CCDC186: variants seen among roughly 807,000 people sequenced by gnomAD.
CCDC186 encodes coiled-coil domain-containing protein 186.
A neutral mutation model predicts 113.7 loss-of-function variants in CCDC186; 49 were observed. That is an observed-to-expected ratio of 0.43 (90% CI 0.34 to 0.55). CCDC186 has a LOEUF of 0.55. Among genes scored for constraint, CCDC186 ranks in the 20% least tolerant of loss-of-function variants. The pLI is 0.02. For synonymous variants in CCDC186, 355 were observed against 345.8 expected, an observed-to-expected ratio of 1.03 and a Z score of -0.30; for missense variants, 890 against 1,011.1, an observed-to-expected ratio of 0.88 and a Z score of 1.62.
chr10:114,132,662 C>G (rs901760359), intron 10 of CCDC186, among the ~76,000 whole-genome samples: 2 of 152,142 alleles, frequency 1.3e-5, no homozygotes, highest in Non-Finnish European at 2.9e-5. Flanking sequence ...ACTTCACTTA[C>G]TAAAAGAGGT....
chr10:114,129,840 T>C (rs1564905057), intron 13 of CCDC186, 51 bp downstream of exon 13: 1 of 1,562,362 alleles, frequency 6.4e-7, no homozygotes. Context: ...AAAAATGCTA[T>C]TTATTTTTAT....
At position 114,137,166 on chromosome 10, in the gene CCDC186, A is replaced by G. The variant is rs1476501802; in HGVS notation, c.1326+20T>C. The stretch of plus-strand genomic sequence containing the variant: ...ATTTGCTAAAATTTGATACTAATCT[A>G]TTTTAAAAGTTATGCATACCTGATA... On this transcript the variant is annotated intron_variant, in intron 7 of 15. Coordinates refer to ENST00000369287, the MANE Select transcript of CCDC186 (RefSeq NM_018017.4). 6.5e-7 allele frequency: 1 copy of G among 1,548,306 alleles called. No individual in the cohort carries two copies. The highest frequency in any genetic ancestry group is 1.1e-5 in the South Asian group (1 of 89,112).
At position 114,165,762 on chromosome 10, in the gene CCDC186, C is replaced by T. The variant is rs922567225; in HGVS notation, c.-61-2433G>A. On this transcript the variant is annotated intron_variant, in intron 1 of 15. Transcript: ENST00000369287. ...ACTCGGGAGGCTGAGACAGGAGAAT[C>T]GCTTGAACCCAGGAGGCGGAGGTTG... is the stretch of plus-strand genomic sequence containing the variant. The T allele has an allele frequency of 4.7e-5, 17 of 364,026 alleles. No homozygotes were observed. In the East Asian group the frequency reaches 5.0e-4, roughly 11 times the overall value. 22.5% of individuals were successfully genotyped at this position (364,026 alleles called of 1,614,324 possible). A position where few individuals can be genotyped will look rare whatever the true frequency, so the allele number is the denominator to read the frequency against.
At position 114,164,420 on chromosome 10, in the gene CCDC186, G is replaced by T. The variant is rs79726898; in HGVS notation, c.-61-1091C>A. ...TTACAGGGGTGAGCCACCGCACCCGGCATAGGATAGATTTTTATATTGTTT... is the reference window on the plus strand; with the variant it reads ...TTACAGGGGTGAGCCACCGCACCCGTCATAGGATAGATTTTTATATTGTTT... On this transcript the variant is annotated intron_variant, in intron 1 of 15. Transcript: ENST00000369287. Among the ~76,000 whole-genome samples the T allele has an allele frequency of 2.0e-3, 307 of 152,088 alleles. 9 individuals are homozygous for T. In the East Asian group the frequency reaches 0.052, roughly 26 times the overall value.
intron 1 of CCDC186, among the ~76,000 whole-genome samples, chr10:114,164,661 G>A (rs1035335964): frequency 4.6e-5 from 7 of 152,146 alleles, no homozygotes; most frequent in Non-Finnish European, 8.8e-5. Flanking sequence ...AGAAATAACA[G>A]AGCAATAATT....
At position 114,123,621 on chromosome 10, in the gene CCDC186, T is replaced by G. The variant is rs1367414410; in HGVS notation, c.*1522A>C. On this transcript the variant is annotated 3_prime_UTR_variant, in exon 16 of 16. Coordinates refer to ENST00000369287, the MANE Select transcript of CCDC186 (RefSeq NM_018017.4). ...TATCTGCATAAGAGCCACGGTATCT[T>G]ATTATAGTAATGATCTGAAGATAAT... 2.0e-5 allele frequency: 3 copies of G among 152,170 alleles called. No individual in the cohort carries two copies. The highest frequency in any genetic ancestry group is 7.2e-5 in the African/African-American group (3 of 41,436). The allele number at this position is 152,170 out of a possible 1,614,324, so 9.4% of individuals were successfully genotyped here.
intron 13 of CCDC186, among the ~76,000 whole-genome samples, chr10:114,128,063 T>G (rs1244940609): frequency 6.6e-6 from 1 of 152,182 alleles, no homozygotes; most frequent in Non-Finnish European, 1.5e-5. Context: ...CTGTCTAGGT[T>G]CAAATACTAC....
At chr10:114,159,480 TA>T (rs2032101935) in intron 2 of CCDC186, among the ~76,000 whole-genome samples, 1 of 151,262 alleles carries the variant, frequency 6.6e-6, no homozygotes, top group Admixed American at 6.6e-5. Flanking sequence ...CCGTCTCTAC[TA>T]AAAATACAAA....
intron 7 of CCDC186, 136 bp downstream of exon 7, chr10:114,137,050 G>A: frequency 3.4e-6 from 2 of 585,736 alleles, no homozygotes; most frequent in Non-Finnish European, 5.9e-6. Context: ...CCGGGAGGCA[G>A]AGGTTGCAGT....
At position 114,145,759 on chromosome 10, in the gene CCDC186, G is replaced by A; in HGVS notation, c.891C>T (p.Ala297=). The A allele has an allele frequency of 1.3e-6, 2 of 1,570,106 alleles. No homozygotes were observed. Among genetic ancestry groups the A allele is most frequent in the Non-Finnish European group, 1.7e-6 (2 of 1,167,424 alleles). Reference sequence around the variant, plus strand: ...GGCGTGCCTCTTCACATTTCTTGTTGGCCTTCAAAAAAAATATTACTTAGC... The same window carrying A: ...GGCGTGCCTCTTCACATTTCTTGTTAGCCTTCAAAAAAAATATTACTTAGC... ...HKEMAQRMEQ[A]NKKCEEARQE... is the part of the protein sequence containing the mutation. The change falls in exon 5 of 16, where the codon GCC becomes GCT. Residue 297 remains alanine, a splice_region_variant and synonymous_variant. Coordinates refer to ENST00000369287, the MANE Select transcript of CCDC186 (RefSeq NM_018017.4).
At chr10:114,159,453 G>A (rs1435055608) in intron 2 of CCDC186, among the ~76,000 whole-genome samples, 1 of 151,960 alleles carries the variant, frequency 6.6e-6, no homozygotes, top group African/African-American at 2.4e-5. Context: ...GACCACCCTG[G>A]CAAACATGGT....
At position 114,124,872 on chromosome 10, in the gene CCDC186, T is replaced by C; in HGVS notation, c.*271A>G. ...TAAAAGCCCTTGTAATGTTCAACAC[T>C]TCTTATGAATACAAGCAAATTAAGT... On this transcript the variant is annotated 3_prime_UTR_variant, in exon 16 of 16. Coordinates refer to ENST00000369287, the MANE Select transcript of CCDC186 (RefSeq NM_018017.4). The C allele has an allele frequency of 3.1e-6, 1 of 320,086 alleles. No homozygotes were observed. Among genetic ancestry groups the C allele is most frequent in the Non-Finnish European group, 5.6e-6 (1 of 177,352 alleles). 19.8% of individuals were successfully genotyped at this position (320,086 alleles called of 1,614,324 possible).
At chr10:114,151,524 A>G (rs1201667688) in intron 3 of CCDC186, among the ~76,000 whole-genome samples, 1 of 152,182 alleles carries the variant, frequency 6.6e-6, no homozygotes, top group Non-Finnish European at 1.5e-5. Context: ...ACCTTCAGTC[A>G]CCCACAGTTC....
In CCDC186 at chr10:114,135,936, T is replaced by C. The variant is rs1413318078; in HGVS notation, c.1467A>G (p.Arg489=). The C allele has an allele frequency of 1.2e-6, 2 of 1,613,228 alleles. No homozygotes were observed. Among genetic ancestry groups the C allele is most frequent in the East Asian group, 4.5e-5 (2 of 44,776 alleles). ...ACTCATCCATACCCTCCTTAAATGT[T>C]CTCTTCAGATCTTCTAGTTCCTTTA... is the stretch of plus-strand genomic sequence containing the variant. ...AKIKELEDLK[R]TFKEGMDELR... Residue 489 remains arginine, a synonymous_variant, in exon 9 of 16, where the codon AGA becomes AGG. Coordinates refer to ENST00000369287, the MANE Select transcript of CCDC186 (RefSeq NM_018017.4).
chr10:114,125,216 T>C lies in CCDC186; in HGVS notation c.2624A>G (p.Gln875Arg). Reference protein sequence around the residue: ...LKNITLKENLQTLGTEIERLI... With the variant: ...LKNITLKENLRTLGTEIERLI... ...ACGTTCTATTTCTGTTCCAAGTGTT[T>C]GTAGATTTTCCTTTAATAATTGGGG... The change falls in exon 16 of 16, where the codon CAA becomes CGA. Residue 875 changes from glutamine (Q) to arginine (R), a missense_variant. Gln to Arg is a conservative substitution (Grantham distance 43, BLOSUM62 1). Coordinates refer to ENST00000369287, the MANE Select transcript of CCDC186 (RefSeq NM_018017.4). 6.2e-7 allele frequency: 1 copy of C among 1,609,506 alleles called. No homozygotes were observed. Among genetic ancestry groups the C allele is most frequent in the East Asian group, 2.2e-5 (1 of 44,618 alleles).
chr10:114,130,000 A>T, intron 12 of CCDC186, 29 bp from the exon 13 acceptor site: 1 of 1,598,962 alleles, frequency 6.3e-7, no homozygotes, highest in Non-Finnish European at 8.6e-7. Flanking sequence ...TATTCGTCAC[A>T]ATTATCAGGA....
rs1564912637 is a variant in CCDC186, at chr10:114,149,555, AAGGAAAGGAAAGGGAAGGGAAGGGAAGGG to A, written c.888+1508_888+1536del. 3.5e-3 allele frequency among the ~76,000 whole-genome samples: 323 copies of A among 93,474 alleles called. 4 individuals are homozygous for A. Among genetic ancestry groups the A allele is most frequent in the African/African-American group, 0.013 (302 of 22,920 alleles). 61.3% of individuals were successfully genotyped at this position (93,474 alleles called of 152,430 possible). On this transcript the variant is annotated intron_variant, in intron 4 of 15. Transcript: ENST00000369287. ...AAGGAAAGGGAAGGGAAGGGAAGGG[AAGGAAAGGAAAGGGAAGGGAAGGGAAGGG>A]AAGGGAAGGGAAGGGAAGGGAAGGG...
chr10:114,129,826 G>T, intron 13 of CCDC186, 65 bp downstream of exon 13: 1 of 1,481,088 alleles, frequency 6.8e-7, no homozygotes, highest in Non-Finnish European at 9.4e-7. Flanking sequence ...CATCACACCT[G>T]GCCAAAAATG....
chr10:114,149,985 G>C (rs1159460987), intron 4 of CCDC186, among the ~76,000 whole-genome samples: 2 of 152,158 alleles, frequency 1.3e-5, no homozygotes. Context: ...TGGTACAAAA[G>C]GGTTCAGAAC....
Sources: allele counts gnomAD v4.1 joint callset (sites outside exome capture counted in the v4.1 genomes callset), GRCh38; gene constraint gnomAD v4.1.1; transcripts MANE v1.5; gene names NCBI Gene and HGNC (gene_info 2026-07-23, HGNC 2026-07-21).